The following PCYT1B variants were observed in gnomAD, a reference collection of about 807,000 sequenced individuals.
PCYT1B encodes the protein phosphate cytidylyltransferase 1B, choline, also known as choline-phosphate cytidylyltransferase B.
In PCYT1B, 10 loss-of-function variants were observed where a neutral mutation model predicts 26.4. That is an observed-to-expected ratio of 0.38 (90% CI 0.23 to 0.64). The LOEUF is 0.64. Among genes scored for constraint, PCYT1B ranks in the 30% least tolerant of loss-of-function variants. The pLI is 0.56. For missense variants in PCYT1B, 161 were observed against 292.7 expected (o/e 0.55, Z 3.28); for synonymous variants, 131 against 108.4 (o/e 1.21, Z -1.29).
chrX:24,580,000 C>G (rs941698565), intron 5 of PCYT1B, among the ~76,000 whole-genome samples: 1 of 111,737 alleles, frequency 8.9e-6, no homozygotes, highest in African/African-American at 3.3e-5. Context: ...CATGGCAAAA[C>G]CCTGTCTTTA....
At chrX:24,608,510 T>C (rs753925179) in intron 2 of PCYT1B, among the ~76,000 whole-genome samples, 1 of 111,872 alleles carries the variant, frequency 8.9e-6, no homozygotes, top group Non-Finnish European at 1.9e-5. Flanking sequence ...ATTAGGGACA[T>C]ACGCCTCAAA....
At chrX:24,648,907 C>G (rs769119653), upstream of PCYT1B, among the ~76,000 whole-genome samples, 1 of 111,448 alleles carries the variant, frequency 9.0e-6, no homozygotes, top group African/African-American at 3.3e-5. Flanking sequence ...TGAATTAGAA[C>G]GTGCTATGCT....
chrX:24,615,421 C>T (rs1466910950), intron 2 of PCYT1B, among the ~76,000 whole-genome samples: 1 of 111,344 alleles, frequency 9.0e-6, no homozygotes, highest in Non-Finnish European at 1.9e-5. Flanking sequence ...AGAACAAACT[C>T]TCTCTGCTTC....
chrX:24,660,140 G>A (rs1292839749), intron 1 of PCYT1B, among the ~76,000 whole-genome samples: 1 of 111,175 alleles, frequency 9.0e-6, no homozygotes, highest in Non-Finnish European at 1.9e-5. Flanking sequence ...CAAAAAAAAA[G>A]TTCAGAACCA....
intron 1 of PCYT1B, among the ~76,000 whole-genome samples, chrX:24,627,442 T>C (rs1925919142): frequency 9.0e-6 from 1 of 111,366 alleles, no homozygotes; most frequent in Admixed American, 9.6e-5. Flanking sequence ...CAAGAGATTC[T>C]CCTGCCTCAG....
At chrX:24,625,217 A>C in intron 1 of PCYT1B, among the ~76,000 whole-genome samples, 1 of 112,525 alleles carries the variant, frequency 8.9e-6, no homozygotes, top group Non-Finnish European at 1.9e-5. Flanking sequence ...TTTTGCTGTG[A>C]AACTCATCAG....
At chrX:24,648,349 T>C (rs1220890238), upstream of PCYT1B, among the ~76,000 whole-genome samples, 1 of 110,754 alleles carries the variant, frequency 9.0e-6, no homozygotes, top group East Asian at 2.8e-4. Flanking sequence ...TCTTGTTTAA[T>C]CTTTGTGAGA....
intron 5 of PCYT1B, among the ~76,000 whole-genome samples, chrX:24,580,102 G>A (rs1924160544): frequency 8.9e-6 from 1 of 112,486 alleles, no homozygotes; most frequent in African/African-American, 3.2e-5. Context: ...TTGAGTCCAA[G>A]ATCAAGGCTG....
intron 3 of PCYT1B, among the ~76,000 whole-genome samples, chrX:24,607,166 GA>G (rs766178354): frequency 3.6e-5 from 4 of 111,968 alleles, no homozygotes; most frequent in Admixed American, 2.8e-4. Flanking sequence ...TCTTTCCATA[GA>G]CTTAGCGAGT....
At chrX:24,569,382 A>C (rs368068545) in intron 7 of PCYT1B, among the ~76,000 whole-genome samples, 14 of 111,534 alleles carry the variant, frequency 1.3e-4, no homozygotes, top group African/African-American at 4.6e-4. Flanking sequence ...GGAAAACAGT[A>C]AGGCGGCTCC....
chrX:24,628,217 G>A (rs1156493597), intron 1 of PCYT1B, among the ~76,000 whole-genome samples: 2 of 111,562 alleles, frequency 1.8e-5, no homozygotes, highest in Non-Finnish European at 1.9e-5. Context: ...GTCATCAGAT[G>A]AGGAAACATT....
intron 1 of PCYT1B, among the ~76,000 whole-genome samples, chrX:24,624,085 T>A (rs1009144525): frequency 6.6e-5 from 7 of 106,507 alleles, no homozygotes; most frequent in African/African-American, 2.4e-4. Context: ...TTCTCCTGCC[T>A]CAGCCTCCCA....
At chrX:24,662,910 A>G (rs1927056560) in intron 1 of PCYT1B, among the ~76,000 whole-genome samples, 1 of 111,930 alleles carries the variant, frequency 8.9e-6, no homozygotes, top group African/African-American at 3.2e-5. Context: ...GTCTTAATCT[A>G]AAAGTGATTA....
intron 3 of PCYT1B, among the ~76,000 whole-genome samples, chrX:24,602,168 A>G (rs1453368867): frequency 1.8e-5 from 2 of 112,432 alleles, no homozygotes; most frequent in African/African-American, 6.5e-5. Flanking sequence ...AGCGCCAAAA[A>G]GAAATGAGCT....
chrX:24,650,063 G>A (rs933004475), upstream of PCYT1B: 3 of 112,099 alleles, frequency 2.7e-5, no homozygotes, highest in African/African-American at 9.7e-5. Context: ...ACCACTCTGA[G>A]AGGAGTCCTT....
At chrX:24,582,906 G>A (rs1163002952) in intron 5 of PCYT1B, among the ~76,000 whole-genome samples, 2 of 112,035 alleles carry the variant, frequency 1.8e-5, no homozygotes, top group Non-Finnish European at 3.8e-5. Flanking sequence ...GATCATTACT[G>A]TGATTCTCCC....
chrX:24,589,764 G>A (rs1054807656), intron 4 of PCYT1B, among the ~76,000 whole-genome samples: 1 of 111,499 alleles, frequency 9.0e-6, no homozygotes, highest in African/African-American at 3.3e-5. Context: ...TCTTGTTCAA[G>A]GTCCCACAAC....
intron 6 of PCYT1B, among the ~76,000 whole-genome samples, chrX:24,579,089 A>G (rs1457243484): frequency 9.3e-6 from 1 of 107,796 alleles, no homozygotes; most frequent in Non-Finnish European, 1.9e-5. Context: ...GGAGTTCAAG[A>G]CCAGTCTGGA....
intron 7 of PCYT1B, among the ~76,000 whole-genome samples, chrX:24,572,126 C>T (rs1355380606): frequency 1.8e-5 from 2 of 111,346 alleles, no homozygotes; most frequent in African/African-American, 6.5e-5. Flanking sequence ...GGGCAAAGCA[C>T]ACCACGTCTG....
Sources: gnomAD v4.1 joint callset for allele counts (sites outside exome capture counted in the v4.1 genomes callset) on GRCh38, gnomAD v4.1.1 for gene constraint, MANE v1.5 for transcripts, NCBI Gene and HGNC (gene_info 2026-07-23, HGNC 2026-07-21) for gene names.